PPFIA2: variants seen among roughly 807,000 people sequenced by gnomAD.
PPFIA2 encodes the protein PPFI scaffold protein A2, also known as liprin-alpha-2.
PPFIA2 carries 46 observed loss-of-function variants against 175.5 expected under a neutral mutation model. That is an observed-to-expected ratio of 0.26 (90% CI 0.21 to 0.34). The LOEUF (loss-of-function observed/expected upper bound fraction) is 0.34, where lower values mean the gene tolerates loss of function less well. Among genes scored for constraint, PPFIA2 ranks in the 10% least tolerant of loss-of-function variants. PPFIA2 has a pLI of 1.00. For missense variants in PPFIA2, 1,179 were observed against 1,506.1 expected (o/e 0.78, Z 3.60); for synonymous variants, 568 against 511.4 (o/e 1.11, Z -1.49).
At chr12:81,476,055 T>G (rs1406035578) in intron 4 of PPFIA2, among the ~76,000 whole-genome samples, 1 of 152,176 alleles carries the variant, frequency 6.6e-6, no homozygotes, top group African/African-American at 2.4e-5. Context: ...GATGATAAGT[T>G]TCTTCTAGGC....
At chr12:81,362,349 A>C (rs1015131894) in intron 15 of PPFIA2, among the ~76,000 whole-genome samples, 13 of 151,428 alleles carry the variant, frequency 8.6e-5, no homozygotes, top group African/African-American at 2.9e-4. Flanking sequence ...TATTGAACAC[A>C]TATAAAGAGA....
intron 7 of PPFIA2, among the ~76,000 whole-genome samples, chr12:81,437,571 G>T (rs2049310623): frequency 6.6e-6 from 1 of 151,990 alleles, no homozygotes; most frequent in Non-Finnish European, 1.5e-5. Context: ...TAGCCAAGTG[G>T]TCTCATCACA....
chr12:81,431,068 A>T (rs1417305629), intron 7 of PPFIA2: 1 of 152,060 alleles, frequency 6.6e-6, no homozygotes, highest in East Asian at 1.9e-4. Context: ...TAAAGGCAAT[A>T]AAAAATATAG....
At chr12:81,535,511 C>A (rs916124829) in intron 4 of PPFIA2, 2 of 452,756 alleles carry the variant, frequency 4.4e-6, no homozygotes, top group African/African-American at 4.0e-5. Flanking sequence ...GGTTGAGACA[C>A]CTAAAATGAA....
At chr12:81,277,494 A>G in intron 27 of PPFIA2, 80 bp from the exon 28 acceptor site, 1 of 1,367,270 alleles carries the variant, frequency 7.3e-7, no homozygotes, top group Non-Finnish European at 9.4e-7. Flanking sequence ...AGCCATAGTC[A>G]ACACTATGCA....
intron 7 of PPFIA2, among the ~76,000 whole-genome samples, chr12:81,439,434 T>C (rs2049740751): frequency 6.6e-6 from 1 of 151,968 alleles, no homozygotes; most frequent in South Asian, 2.1e-4. Flanking sequence ...CCAAGAGAAG[T>C]AAAATCTTCC....
intron 4 of PPFIA2, among the ~76,000 whole-genome samples, chr12:81,675,151 ATCT>A (rs1414910792): frequency 5.3e-5 from 4 of 75,256 alleles, no homozygotes; most frequent in Non-Finnish European, 1.2e-4. Flanking sequence ...AAAGAAAAAA[ATCT>A]ATCTATCTAA....
chr12:81,621,757 A>G (rs11114941), intron 4 of PPFIA2, among the ~76,000 whole-genome samples: 52,042 of 152,100 alleles, frequency 0.34, 9,673 homozygotes, highest in Non-Finnish European at 0.42. Flanking sequence ...AGAAAACTAC[A>G]GAAGTATCAG....
chr12:81,675,273 T>C (rs2072282452), intron 4 of PPFIA2, among the ~76,000 whole-genome samples: 1 of 151,888 alleles, frequency 6.6e-6, no homozygotes, highest in Non-Finnish European at 1.5e-5. Flanking sequence ...GCCTATTCAC[T>C]TTTATTTATT....
Position 81,259,576 on chromosome 12 carries a change from A to G in PPFIA2, c.*118T>C. The G allele has an allele frequency of 6.8e-7, 1 of 1,466,396 alleles. No homozygotes were observed. Among genetic ancestry groups the G allele is most frequent in the Non-Finnish European group, 9.2e-7 (1 of 1,085,572 alleles). The allele number at this position is 1,466,396 out of a possible 1,614,324, so 90.8% of individuals were successfully genotyped here. A position where few individuals can be genotyped will look rare whatever the true frequency, so the allele number is the denominator to read the frequency against. On this transcript the variant is annotated 3_prime_UTR_variant, in exon 33 of 33. Coordinates refer to ENST00000549396, the MANE Select transcript of PPFIA2 (RefSeq NM_003625.5). ...TAAGTCATGACGTCATTATTTCCTT[A>G]GAATTCAGTTTTCACAAAGGTTTTC...
chr12:81,339,503 T>C (rs1670712646), intron 20 of PPFIA2, among the ~76,000 whole-genome samples, 169 bp from the exon 21 acceptor site: 1 of 152,106 alleles, frequency 6.6e-6, no homozygotes, highest in Non-Finnish European at 1.5e-5. Flanking sequence ...TTTTTCAGCC[T>C]TTGGGCCCTG....
At chr12:81,259,704 G>A in intron 32 of PPFIA2, 44 bp from the exon 33 acceptor site, 1 of 1,515,720 alleles carries the variant, frequency 6.6e-7, no homozygotes, top group Non-Finnish European at 8.9e-7. Context: ...AAAAGTCCCA[G>A]ACTGGGAAAT....
chr12:81,682,365 G>C (rs552492435), intron 3 of PPFIA2, among the ~76,000 whole-genome samples: 42 of 152,158 alleles, frequency 2.8e-4, no homozygotes, highest in African/African-American at 9.9e-4. Flanking sequence ...CCAGAACTGT[G>C]AGAAAATACA....
At chr12:81,645,483 T>G (rs2065933320) in intron 4 of PPFIA2, among the ~76,000 whole-genome samples, 1 of 152,154 alleles carries the variant, frequency 6.6e-6, no homozygotes, top group Admixed American at 6.5e-5. Flanking sequence ...AAAAAATAGA[T>G]AAGAGTTTTA....
At chr12:81,674,052 C>T (rs1431936035) in intron 4 of PPFIA2, among the ~76,000 whole-genome samples, 1 of 151,880 alleles carries the variant, frequency 6.6e-6, no homozygotes, top group Non-Finnish European at 1.5e-5. Flanking sequence ...TTGACACAAC[C>T]TTCTATATAT....
intron 4 of PPFIA2, among the ~76,000 whole-genome samples, chr12:81,647,827 T>TATATATA (rs1029505127): frequency 2.1e-5 from 3 of 141,164 alleles, no homozygotes; most frequent in African/African-American, 5.2e-5. Context: ...AAATATATAG[T>TATATATA]ATATATAATA....
At chr12:81,694,739 T>A (rs771120746) in intron 3 of PPFIA2, among the ~76,000 whole-genome samples, 129 of 152,128 alleles carry the variant, frequency 8.5e-4, no homozygotes, top group Non-Finnish European at 1.6e-3. Context: ...ATCAGAGAAC[T>A]GTAGATCCAC....
intron 3 of PPFIA2, among the ~76,000 whole-genome samples, chr12:81,697,379 C>A (rs539450341): frequency 5.3e-5 from 8 of 151,852 alleles, no homozygotes; most frequent in Non-Finnish European, 8.8e-5. Flanking sequence ...ATTTATAATT[C>A]TTTTCCTTTG....
At chr12:81,262,341 T>A (rs1241959598) in intron 31 of PPFIA2, among the ~76,000 whole-genome samples, 1 of 152,168 alleles carries the variant, frequency 6.6e-6, no homozygotes, top group Non-Finnish European at 1.5e-5. Flanking sequence ...AGAGAACTCA[T>A]TATAGTGGAT....
Sources: gnomAD v4.1 joint callset for allele counts (sites outside exome capture counted in the v4.1 genomes callset) on GRCh38, gnomAD v4.1.1 for gene constraint, MANE v1.5 for transcripts, NCBI Gene and HGNC (gene_info 2026-07-23, HGNC 2026-07-21) for gene names.